AZIN2: variants seen among roughly 807,000 people sequenced by gnomAD.
The protein encoded by AZIN2 is antizyme inhibitor 2, also known as ODC antizyme inhibitor-2.
In AZIN2, 28 loss-of-function variants were observed where a neutral mutation model predicts 47.8. The observed-to-expected ratio is 0.59, with a 90% confidence interval of 0.43 to 0.80. The LOEUF is 0.80. Ranked by LOEUF, AZIN2 falls within the 30% of genes least tolerant of loss-of-function variation. The pLI, the probability that AZIN2 is intolerant of heterozygous loss-of-function variation, is 0.00. For missense variants in AZIN2, 535 were observed against 582.5 expected (o/e 0.92, Z 0.84); for synonymous variants, 221 against 239.4 (o/e 0.92, Z 0.71).
At chr1:33,095,683 A>G (rs1643077399) in intron 8 of AZIN2, among the ~76,000 whole-genome samples, 1 of 152,320 alleles carries the variant, frequency 6.6e-6, no homozygotes, top group East Asian at 1.9e-4. Context: ...CCTACACACT[A>G]CAAAATCTGC....
intron 3 of AZIN2, 45 bp from the exon 4 acceptor site, chr1:33,082,133 G>C (rs1641332462): frequency 2.4e-6 from 2 of 847,812 alleles, no homozygotes; most frequent in South Asian, 2.9e-5. Flanking sequence ...TGGGGCAGCA[G>C]AGCCGGCCCC....
chr1:33,109,517 CG>C (rs1644188919), intron 10 of AZIN2, among the ~76,000 whole-genome samples: 1 of 151,608 alleles, frequency 6.6e-6, no homozygotes, highest in Admixed American at 6.6e-5. Flanking sequence ...TTAGTAGAGA[CG>C]GGGTTTCACC....
intron 5 of AZIN2, among the ~76,000 whole-genome samples, chr1:33,089,807 G>T (rs529674500): frequency 2.0e-5 from 3 of 152,356 alleles, no homozygotes; most frequent in Admixed American, 6.5e-5. Context: ...GTGCTGAAAA[G>T]TTGCTAAATT....
At chr1:33,095,233 C>G (rs1033481811) in intron 8 of AZIN2, among the ~76,000 whole-genome samples, 5 of 152,310 alleles carry the variant, frequency 3.3e-5, no homozygotes, top group African/African-American at 1.2e-4. Flanking sequence ...GGAATACCGA[C>G]ATGTAGGAAT....
chr1:33,147,480 C>T, the AZIN2 span: 10 of 1,612,862 alleles, frequency 6.2e-6, no homozygotes, highest in Middle Eastern at 4.9e-4. The surrounding 1 kb of genome is among the most constrained non-coding windows in gnomAD (Gnocchi z 8.1). Context: ...GGATGCTGCC[C>T]TTGCGGCTTG....
At chr1:33,151,282 C>T in the AZIN2 span, among the ~76,000 whole-genome samples, 1 of 152,084 alleles carries the variant, frequency 6.6e-6, no homozygotes, top group African/African-American at 2.4e-5. Flanking sequence ...CTGCCACTCA[C>T]TGGGCCGGCC....
At chr1:33,152,922 C>T in the AZIN2 span, among the ~76,000 whole-genome samples, 1 of 152,028 alleles carries the variant, frequency 6.6e-6, no homozygotes, top group African/African-American at 2.4e-5. Context: ...GGACAATGGG[C>T]TGCCTGGCCT....
intron 10 of AZIN2, among the ~76,000 whole-genome samples, chr1:33,106,303 G>A (rs1644005597): frequency 6.6e-6 from 1 of 152,076 alleles, no homozygotes; most frequent in South Asian, 2.1e-4. Flanking sequence ...GAAAAGCCCA[G>A]GACCTTATGG....
chr1:33,120,214 G>A lies in AZIN2; in HGVS notation c.*32G>A, dbSNP rs371989912. 25 of 1,574,066 alleles carry A rather than the reference G, an allele frequency of 1.6e-5. No individual in the cohort carries two copies. Among genetic ancestry groups the A allele is most frequent in the African/African-American group, 1.2e-4 (9 of 74,314 alleles). On this transcript the variant is annotated 3_prime_UTR_variant, in exon 12 of 12. Transcript: ENST00000294517. ...CTCGTTCCCCCCGGAGAATCCCAGCGGGGCCTCAGAGATGCATCTGGGAGA... is the reference window on the plus strand; with the variant it reads ...CTCGTTCCCCCCGGAGAATCCCAGCAGGGCCTCAGAGATGCATCTGGGAGA...
the AZIN2 span, among the ~76,000 whole-genome samples, chr1:33,134,969 T>A: frequency 2.6e-5 from 4 of 152,162 alleles, no homozygotes; most frequent in African/African-American, 9.7e-5. Context: ...CACATAAATA[T>A]GACCACCCTC....
downstream of AZIN2, among the ~76,000 whole-genome samples, chr1:33,124,241 G>A (rs904172018): frequency 1.3e-5 from 2 of 152,286 alleles, no homozygotes; most frequent in Non-Finnish European, 2.9e-5. The surrounding 1 kb of genome is among the most constrained non-coding windows in gnomAD (Gnocchi z 4.6). Context: ...ACTCCTCTGA[G>A]TTCTCAGGGA....
intron 5 of AZIN2, among the ~76,000 whole-genome samples, chr1:33,084,515 T>C (rs1215773217): frequency 1.3e-5 from 2 of 152,196 alleles, no homozygotes; most frequent in Non-Finnish European, 2.9e-5. Context: ...AACTAGTCCT[T>C]GTAGTTTTGT....
the AZIN2 span, chr1:33,164,453 A>G: frequency 6.6e-6 from 1 of 152,378 alleles, no homozygotes; most frequent in African/African-American, 2.4e-5. Flanking sequence ...AGAGTGCTGG[A>G]CTGAGCCTGG....
In AZIN2 at chr1:33,122,137, A is replaced by T. The variant is rs1250791256; in HGVS notation, c.*1955A>T. Among the ~76,000 whole-genome samples, 1 of 152,136 alleles carries T rather than the reference A, an allele frequency of 6.6e-6. No homozygotes were observed. The highest frequency in any genetic ancestry group is 1.5e-5 in the Non-Finnish European group (1 of 68,030). On this transcript the variant is annotated 3_prime_UTR_variant, in exon 12 of 12. Transcript: ENST00000294517. The stretch of plus-strand genomic sequence containing the variant: ...CTTCTTCCATCTCAGATCTCCAAGC[A>T]CTCATACTTCTTTTGCGGAGAGGGA...
At chr1:33,160,593 T>C in the AZIN2 span, among the ~76,000 whole-genome samples, 1 of 151,910 alleles carries the variant, frequency 6.6e-6, no homozygotes, top group Admixed American at 6.6e-5. Flanking sequence ...TTAGTAGAGA[T>C]GGGGTTTCAC....
At chr1:33,101,696 CT>C in intron 10 of AZIN2, 2 of 547,364 alleles carry the variant, frequency 3.7e-6, no homozygotes, top group Non-Finnish European at 6.5e-6. Flanking sequence ...CTCTGGCTTT[CT>C]TTTTCAGTAT....
In AZIN2 at chr1:33,093,424, C is replaced by T; in HGVS notation, c.587+8C>T. On this transcript the variant is annotated splice_region_variant and intron_variant, in intron 7 of 11. Coordinates refer to ENST00000294517, the MANE Select transcript of AZIN2 (RefSeq NM_052998.4). ...GGAGGTGGTGGGTGTGAGGTGAGCACTGGGAACCCCTGCCATCCCCTCCCA... is the reference window on the plus strand; with the variant it reads ...GGAGGTGGTGGGTGTGAGGTGAGCATTGGGAACCCCTGCCATCCCCTCCCA... 6.2e-7 allele frequency: 1 copy of T among 1,611,904 alleles called. No homozygotes were observed. The highest frequency in any genetic ancestry group is 8.5e-7 in the Non-Finnish European group (1 of 1,178,736).
At chr1:33,082,069 T>G in intron 3 of AZIN2, 109 bp from the exon 4 acceptor site, 1 of 618,034 alleles carries the variant, frequency 1.6e-6, no homozygotes, top group Non-Finnish European at 2.9e-6. Flanking sequence ...AACCCCGGGC[T>G]TGTGCTGGGG....
chr1:33,095,768 C>T (rs543965059), intron 8 of AZIN2, among the ~76,000 whole-genome samples: 1 of 152,360 alleles, frequency 6.6e-6, no homozygotes, highest in East Asian at 1.9e-4. Context: ...ATAACATAAA[C>T]AGCCGATTAA....
Sources: gnomAD v4.1 joint callset for allele counts (sites outside exome capture counted in the v4.1 genomes callset) on GRCh38, gnomAD v4.1.1 for gene constraint, Gnocchi (gnomAD v3.1) non-coding constraint, MANE v1.5 for transcripts, NCBI Gene and HGNC (gene_info 2026-07-23, HGNC 2026-07-21) for gene names.